The following RASA1 variants were observed in gnomAD, a reference collection of about 807,000 sequenced individuals.
RASA1 encodes the protein RAS p21 protein activator 1, also known as ras GTPase-activating protein 1.
In RASA1, 25 loss-of-function variants were observed where a neutral mutation model predicts 132.2. The observed-to-expected ratio is 0.19, with a 90% CI of 0.14 to 0.26. RASA1 has a LOEUF of 0.26. Ranked by LOEUF, RASA1 falls within the 10% of genes least tolerant of loss-of-function variation. RASA1 has a pLI of 1.00. For synonymous variants in RASA1, 477 were observed against 449.9 expected, an observed-to-expected ratio of 1.06 and a Z score of -0.76; for missense variants, 964 against 1,299.2, an observed-to-expected ratio of 0.74 and a Z score of 3.97.
At chr5:87,355,825 C>G (rs1759609041) in intron 9 of RASA1, among the ~76,000 whole-genome samples, 1 of 152,172 alleles carries the variant, frequency 6.6e-6, no homozygotes. Flanking sequence ...TTGGAAGAAG[C>G]TGATTCCAAC....
intron 11 of RASA1, among the ~76,000 whole-genome samples, chr5:87,364,888 T>C (rs1760388510): frequency 6.6e-6 from 1 of 152,154 alleles, no homozygotes; most frequent in Non-Finnish European, 1.5e-5. Flanking sequence ...CCTGATAGAA[T>C]GAGGAGACCC....
Position 87,267,884 on chromosome 5 carries a change from C to T in RASA1, c.-568C>T, listed in dbSNP as rs1753634985. The T allele has an allele frequency of 2.5e-6, 1 of 396,600 alleles. No homozygotes were observed. Among genetic ancestry groups the T allele is most frequent in the Non-Finnish European group, 4.4e-6 (1 of 225,262 alleles). The allele number at this position is 396,600 out of a possible 1,614,324, so 24.6% of individuals were successfully genotyped here. A position where few individuals can be genotyped will look rare whatever the true frequency, so the allele number is the denominator to read the frequency against. ...CTTCCTTTCTCTCTCTCCCGTTTCA[C>T]TCACTGAGAGCTCCAGGTAGTGAGC... On this transcript the variant is annotated 5_prime_UTR_variant, in exon 1 of 25. Coordinates refer to ENST00000274376, the MANE Select transcript of RASA1 (RefSeq NM_002890.3).
chr5:87,376,955 C>T lies in RASA1; in HGVS notation c.2259C>T (p.Ala753=), dbSNP rs552498036. 87 of 1,611,426 alleles carry T rather than the reference C, an allele frequency of 5.4e-5. 1 individual carries two copies. The East Asian group carries it at 1.9e-3, about 35-fold the overall frequency. Residue 753 remains alanine (A), a synonymous_variant, in exon 17 of 25, where the codon GCC becomes GCT. Transcript: ENST00000274376. ...GTGGACAAGACCGAACACTACTGGC[C>T]AGCATCCTACTGAGGATTTTTCTTC... ...HVCGQDRTLL[A]SILLRIFLHE... is the part of the protein sequence containing the mutation.
rs548711387 is a variant in RASA1, at chr5:87,303,894, C to T, written c.540-27454C>T. 1.4e-3 allele frequency among the ~76,000 whole-genome samples: 210 copies of T among 145,000 alleles called. 2 individuals carry two copies. Among genetic ancestry groups the T allele is most frequent in the African/African-American group, 4.2e-3 (164 of 38,940 alleles). ...TTGCTCTTGTCGCCCAAGCTGGAGG[C>T]GCGATCTCGGCTCACTGCAAACTGC... is the stretch of plus-strand genomic sequence containing the variant. On this transcript the variant is annotated intron_variant, in intron 1 of 24. Transcript: ENST00000274376.
chr5:87,324,095 T>C (rs1373785851), intron 1 of RASA1, among the ~76,000 whole-genome samples: 1 of 152,202 alleles, frequency 6.6e-6, no homozygotes, highest in Non-Finnish European at 1.5e-5. Context: ...ACTTTTAACC[T>C]TCAGACGTAG....
chr5:87,270,109 G>A (rs571127372), intron 1 of RASA1, among the ~76,000 whole-genome samples: 2 of 151,738 alleles, frequency 1.3e-5, no homozygotes, highest in East Asian at 4.0e-4. Flanking sequence ...GGACGCGGTG[G>A]CACGCGCCTA....
chr5:87,352,161 T>C (rs1759322120), intron 8 of RASA1, among the ~76,000 whole-genome samples: 1 of 151,766 alleles, frequency 6.6e-6, no homozygotes, highest in African/African-American at 2.4e-5. Flanking sequence ...CCTCTGTGGC[T>C]TGTGTTAAAT....
chr5:87,273,413 G>A (rs1412933158), intron 1 of RASA1, among the ~76,000 whole-genome samples: 3 of 152,088 alleles, frequency 2.0e-5, no homozygotes, highest in Admixed American at 2.0e-4. Context: ...GAGAGAAAAG[G>A]TTAAATTAAA....
chr5:87,363,347 G>T lies in RASA1; in HGVS notation c.1454-1G>T. ...AGAAAACAATTTTTTTTTTTAAACAGGCAAAGGAAAACGTTGGAAAAATTT... is the reference window on the plus strand; with the variant it reads ...AGAAAACAATTTTTTTTTTTAAACATGCAAAGGAAAACGTTGGAAAAATTT... On this transcript the variant is annotated splice_acceptor_variant, in intron 10 of 24. Transcript: ENST00000274376. LOFTEE classifies it high-confidence loss of function. The T allele has an allele frequency of 6.2e-7, 1 of 1,603,856 alleles. No homozygotes were observed. The highest frequency in any genetic ancestry group is 1.1e-5 in the South Asian group (1 of 90,394).
chr5:87,377,000 G>T lies in RASA1; in HGVS notation c.2304G>T (p.Leu768Phe), dbSNP rs757206060. The T allele has an allele frequency of 6.2e-7, 1 of 1,613,794 alleles. No individual in the cohort carries two copies. Among genetic ancestry groups the T allele is most frequent in the Non-Finnish European group, 8.5e-7 (1 of 1,179,798 alleles). Residue 768 changes from leucine (L) to phenylalanine (F), a missense_variant, in exon 17 of 25, where the codon TTG becomes TTT. Leu to Phe is a conservative substitution (Grantham distance 22). Coordinates refer to ENST00000274376, the MANE Select transcript of RASA1 (RefSeq NM_002890.3). ...TTCTTCACGAAAAGCTTGAATCGTTGTTGTTATGCACACTAAATGACAGAG... is the reference window on the plus strand; with the variant it reads ...TTCTTCACGAAAAGCTTGAATCGTTTTTGTTATGCACACTAAATGACAGAG... ...RIFLHEKLES[L>F]LLCTLNDREI... is the part of the protein sequence containing the mutation.
intron 1 of RASA1, among the ~76,000 whole-genome samples, chr5:87,270,401 G>A (rs1432514484): frequency 6.7e-6 from 1 of 148,562 alleles, no homozygotes; most frequent in African/African-American, 2.5e-5. Flanking sequence ...AGGCTGGAGT[G>A]CAGTGGCGTG....
chr5:87,371,969 ATTG>A (rs1253225115), intron 12 of RASA1, 146 bp from the exon 13 acceptor site: 4 of 540,062 alleles, frequency 7.4e-6, no homozygotes, highest in Middle Eastern at 3.2e-4. Context: ...ATTATTGGTT[ATTG>A]TTATGAAGTA....
In RASA1 at chr5:87,374,459, A is replaced by ATTT. The variant is rs770426797; in HGVS notation, c.1934+153_1934+155dup. On this transcript the variant is annotated intron_variant, in intron 14 of 24. Transcript: ENST00000274376. The stretch of plus-strand genomic sequence containing the variant: ...TCTAATAGCATATATATATATATAT[A>ATTT]TTTTTTTTTTTTTTTTCTGTTGTTT... 385 of 167,768 alleles carry ATTT rather than the reference A, an allele frequency of 2.3e-3. 6 individuals are homozygous for ATTT. The highest frequency in any genetic ancestry group is 0.011 in the African/African-American group (359 of 33,416). 10.4% of individuals were successfully genotyped at this position (167,768 alleles called of 1,614,324 possible).
chr5:87,329,660 A>C (rs999194430), intron 1 of RASA1, among the ~76,000 whole-genome samples: 17 of 152,298 alleles, frequency 1.1e-4, no homozygotes, highest in African/African-American at 3.8e-4. Flanking sequence ...ACAAATAACA[A>C]GTATATAAAA....
intron 1 of RASA1, among the ~76,000 whole-genome samples, chr5:87,321,406 C>G (rs1399004589): frequency 6.6e-6 from 1 of 152,180 alleles, no homozygotes; most frequent in Non-Finnish European, 1.5e-5. Context: ...TTCCCAACGG[C>G]TGAGGGCTCA....
chr5:87,271,233 C>T (rs953682247), intron 1 of RASA1, among the ~76,000 whole-genome samples: 4 of 151,782 alleles, frequency 2.6e-5, no homozygotes, highest in African/African-American at 4.8e-5. Flanking sequence ...AGCTTAACCC[C>T]GTCTCAAAAC....
chr5:87,287,130 CAT>C (rs979998542), intron 1 of RASA1, among the ~76,000 whole-genome samples: 61 of 133,800 alleles, frequency 4.6e-4, no homozygotes, highest in African/African-American at 9.7e-4. Flanking sequence ...ATATACACAC[CAT>C]ATATATATAC....
At chr5:87,369,253 C>T (rs1306365972) in intron 11 of RASA1, among the ~76,000 whole-genome samples, 1 of 152,058 alleles carries the variant, frequency 6.6e-6, no homozygotes, top group Admixed American at 6.6e-5. Context: ...ACTTACATAT[C>T]AAATGATTTG....
chr5:87,372,049 ACCT>A (rs1402692687), intron 12 of RASA1, 66 bp from the exon 13 acceptor site: 2 of 1,444,882 alleles, frequency 1.4e-6, no homozygotes, highest in African/African-American at 1.4e-5. Context: ...GAAAAAAAAA[ACCT>A]AACTGATGAT....
Sources: gnomAD v4.1 joint callset for allele counts (sites outside exome capture counted in the v4.1 genomes callset) on GRCh38, gnomAD v4.1.1 for gene constraint, MANE v1.5 for transcripts, NCBI Gene and HGNC (gene_info 2026-07-23, HGNC 2026-07-21) for gene names.